The following MOBP variants were observed in gnomAD, a reference collection of about 807,000 sequenced individuals.
The protein encoded by MOBP is myelin-associated oligodendrocyte basic protein.
Under a neutral mutation model 15.0 loss-of-function variants are expected in MOBP, and 5 were observed. The ratio of observed to expected loss-of-function variants is 0.33; its 90% CI spans 0.17 to 0.70. MOBP has a LOEUF of 0.70. Ranked by LOEUF, MOBP falls within the 30% of genes least tolerant of loss-of-function variation. MOBP has a pLI of 0.67. For missense variants in MOBP, 188 were observed against 257.8 expected (o/e 0.73, Z 1.85); for synonymous variants, 88 against 99.0 (o/e 0.89, Z 0.66).
At chr3:39,510,186 A>G (rs72857037) in intron 4 of MOBP, among the ~76,000 whole-genome samples, 7,393 of 152,168 alleles carry the variant, frequency 0.049, 639 homozygotes, top group African/African-American at 0.17. Flanking sequence ...ATTAATTTAT[A>G]TATCTTTCCT....
chr3:39,469,968 A>G (rs548530749), intron 1 of MOBP, among the ~76,000 whole-genome samples: 7 of 152,330 alleles, frequency 4.6e-5, no homozygotes, highest in African/African-American at 1.4e-4. Flanking sequence ...AAAGTGAGGT[A>G]TTCAATTTAG....
downstream of MOBP, among the ~76,000 whole-genome samples, chr3:39,520,511 G>A (rs1056960278): frequency 1.3e-4 from 20 of 150,802 alleles, no homozygotes; most frequent in African/African-American, 4.9e-4. Flanking sequence ...GGAACATCTG[G>A]TACCAAAGTA....
chr3:39,522,368 A>T (rs2043279536), intron 3 of MOBP, among the ~76,000 whole-genome samples: 1 of 152,218 alleles, frequency 6.6e-6, no homozygotes, highest in South Asian at 2.1e-4. Context: ...CTTGATTATT[A>T]CTTGTCTCCA....
At chr3:39,514,374 TC>T (rs894225117) in exon 5 of MOBP, 2 of 152,232 alleles carry the variant, frequency 1.3e-5, no homozygotes, top group Non-Finnish European at 2.9e-5. Flanking sequence ...CAGGGCTGCT[TC>T]CCCCCGACCC....
chr3:39,469,062 A>G (rs2042412137), intron 1 of MOBP, among the ~76,000 whole-genome samples: 1 of 66,272 alleles, frequency 1.5e-5, no homozygotes, highest in Admixed American at 1.3e-4. Context: ...GTGTATATAC[A>G]TATATACATA....
downstream of MOBP, among the ~76,000 whole-genome samples, chr3:39,506,949 C>G (rs2043056816): frequency 1.3e-5 from 2 of 152,180 alleles, no homozygotes; most frequent in Admixed American, 6.5e-5. Context: ...ACTCTCTGTT[C>G]TCTTGGTTTC....
rs34912911 is a variant in MOBP at position 39,514,965 on chromosome 3, CGTGTGTGTGTGTGTGTGT to C, written c.*1615_*1632del. 319 of 137,360 alleles carry C rather than the reference CGTGTGTGTGTGTGTGTGT, an allele frequency of 2.3e-3. 1 individual carries two copies. The highest frequency in any genetic ancestry group is 4.4e-3 in the African/African-American group (160 of 36,426). 8.5% of individuals were successfully genotyped at this position (137,360 alleles called of 1,614,324 possible). A position where few individuals can be genotyped will look rare whatever the true frequency, so the allele number is the denominator to read the frequency against. ...TTGTGCTCCTGTGGACTGGTGTGTG[CGTGTGTGTGTGTGTGTGT>C]GTGTGTGTGTGTGTGTGTGTGTGTG... On this transcript the variant is annotated 3_prime_UTR_variant, in exon 5 of 5. Coordinates refer to the MOBP transcript ENST00000311042.
intron 1 of MOBP, among the ~76,000 whole-genome samples, chr3:39,479,391 ACCT>A (rs2042593295): frequency 7.0e-6 from 1 of 143,210 alleles, no homozygotes; most frequent in East Asian, 2.0e-4. Flanking sequence ...ATCTTATAAG[ACCT>A]TTTTTTTTTT....
intron 2 of MOBP, among the ~76,000 whole-genome samples, chr3:39,489,687 C>CCCG (rs1559419293): frequency 2.3e-5 from 2 of 85,350 alleles, no homozygotes; most frequent in African/African-American, 1.9e-4. Context: ...GTGTATTGTT[C>CCCG]CCCGCCCAGC....
chr3:39,481,305 AC>A (rs1235753524), intron 2 of MOBP, among the ~76,000 whole-genome samples: 4 of 152,068 alleles, frequency 2.6e-5, no homozygotes, highest in Non-Finnish European at 5.9e-5. Flanking sequence ...CAAGCCTCAA[AC>A]TCTCTTATTC....
intron 2 of MOBP, among the ~76,000 whole-genome samples, chr3:39,482,651 C>CAAAAA (rs10576821): frequency 1.2e-5 from 1 of 80,390 alleles, no homozygotes; most frequent in Admixed American, 1.4e-4. Flanking sequence ...CACTCTGTCT[C>CAAAAA]AAAAAAAAAA....
In MOBP at chr3:39,468,990, ATG is replaced by A. The variant is rs1223612674; in HGVS notation, c.-89+1258_-89+1259del. On this transcript the variant is annotated intron_variant, in intron 1 of 3. Transcript: ENST00000684792. ...TGTGTGTATATATACATATATACAT[ATG>A]TGTGTGTATATATACATATATACAT... Among the ~76,000 whole-genome samples the A allele has an allele frequency of 8.8e-5, 7 of 79,672 alleles. 1 individual carries two copies. The highest frequency in any genetic ancestry group is 3.5e-4 in the African/African-American group (3 of 8,526). The allele number at this position is 79,672 out of a possible 152,430, so 52.3% of individuals were successfully genotyped here.
At chr3:39,523,737 T>G (rs780117958) in intron 3 of MOBP, among the ~76,000 whole-genome samples, 1 of 152,168 alleles carries the variant, frequency 6.6e-6, no homozygotes, top group African/African-American at 2.4e-5. Context: ...TTTGAGAGTA[T>G]TGGCTCAAAG....
At chr3:39,471,408 C>T (rs1559413152) in intron 1 of MOBP, among the ~76,000 whole-genome samples, 2 of 152,156 alleles carry the variant, frequency 1.3e-5, no homozygotes, top group Admixed American at 6.5e-5. Context: ...GGATTACAGA[C>T]GTGAGCCACT....
At chr3:39,492,073 C>A (rs141381415) in intron 2 of MOBP, among the ~76,000 whole-genome samples, 1 of 152,150 alleles carries the variant, frequency 6.6e-6, no homozygotes, top group East Asian at 1.9e-4. Flanking sequence ...CCCAGAATAA[C>A]GCTCTTGGTT....
chr3:39,486,601 G>A (rs56173257), intron 2 of MOBP, among the ~76,000 whole-genome samples: 9,100 of 151,982 alleles, frequency 0.06, 771 homozygotes, highest in African/African-American at 0.18. Flanking sequence ...GTTTGTCTAC[G>A]GACTCTCTTA....
At chr3:39,497,565 C>G (rs959838330) in intron 2 of MOBP, among the ~76,000 whole-genome samples, 1 of 152,180 alleles carries the variant, frequency 6.6e-6, no homozygotes, top group Non-Finnish European at 1.5e-5. Flanking sequence ...GATGTGGATT[C>G]AAATCCCTTG....
intron 1 of MOBP, among the ~76,000 whole-genome samples, chr3:39,473,481 G>T (rs543439029): frequency 6.6e-6 from 1 of 152,236 alleles, no homozygotes; most frequent in Non-Finnish European, 1.5e-5. Context: ...GCGTGCTTAA[G>T]ATTGGCTAGT....
chr3:39,502,956 C>A lies in MOBP; in HGVS notation c.*76C>A. 1.4e-6 allele frequency: 1 copy of A among 690,426 alleles called. No homozygotes were observed. Among genetic ancestry groups the A allele is most frequent in the Non-Finnish European group, 2.4e-6 (1 of 418,402 alleles). The allele number at this position is 690,426 out of a possible 1,614,324, so 42.8% of individuals were successfully genotyped here. On this transcript the variant is annotated 3_prime_UTR_variant, in exon 4 of 4. Transcript: ENST00000684792. This position sits in a 1 kb window ranked among gnomAD's most constrained non-coding sequence, Gnocchi z 6.3. The stretch of plus-strand genomic sequence containing the variant: ...TGTGTTTACTAACACCGGGCTGTCT[C>A]CATGGCCCTCTTCAGCCTTATTACC...
Sources: allele counts gnomAD v4.1 joint callset (sites outside exome capture counted in the v4.1 genomes callset), GRCh38; gene constraint gnomAD v4.1.1; non-coding constraint Gnocchi (gnomAD v3.1); transcripts MANE v1.5; gene names NCBI Gene and HGNC (gene_info 2026-07-23, HGNC 2026-07-21).